HIP1R: variants seen among roughly 807,000 people sequenced by gnomAD.
HIP1R encodes huntingtin-interacting protein 1-related protein.
A neutral mutation model predicts 144.2 loss-of-function variants in HIP1R; 135 were observed. The observed-to-expected ratio is 0.94, with a 90% CI of 0.81 to 1.08. HIP1R has a LOEUF of 1.08. HIP1R is among the 50% of genes least tolerant of loss of function. The probability of loss-of-function intolerance (pLI) is 0.00; values close to 1 mark genes in which losing one functional copy is unlikely to be tolerated. For missense variants in HIP1R, 1,462 were observed against 1,432.8 expected, an observed-to-expected ratio of 1.02 and a Z score of -0.33; for synonymous variants, 698 against 612.8, an observed-to-expected ratio of 1.14 and a Z score of -2.05.
rs151329331 is a variant in HIP1R, at chr12:122,861,354, G to C, written c.2999G>C (p.Arg1000Pro). Reference sequence around the variant, plus strand: ...AAGACGCTGGAGGCTGAACGCATGCGGCTGGGGGAGTTGCGGAAGCAACAC... The same window carrying C: ...AAGACGCTGGAGGCTGAACGCATGCCGCTGGGGGAGTTGCGGAAGCAACAC... ...LEKTLEAERMRLGELRKQHYV... is the reference protein window; with the variant it reads ...LEKTLEAERMPLGELRKQHYV... Residue 1000 changes from arginine to proline, a missense_variant, in exon 31 of 32, where the codon CGG becomes CCG. By Grantham distance (103) the Arg-to-Pro change is moderately radical. Transcript: ENST00000253083. 1 of 1,613,710 alleles carries C rather than the reference G, an allele frequency of 6.2e-7. No individual in the cohort carries two copies. The highest frequency in any genetic ancestry group is 8.5e-7 in the Non-Finnish European group (1 of 1,179,964).
rs2135667748 is a variant in HIP1R at position 122,855,595 on chromosome 12, G to C, written c.1038G>C (p.Gly346=). 1 of 1,549,892 alleles carries C rather than the reference G, an allele frequency of 6.5e-7. No homozygotes were observed. The highest frequency in any genetic ancestry group is 8.7e-7 in the Non-Finnish European group (1 of 1,147,042). The change falls in exon 12 of 32, where the codon GGG becomes GGC. Residue 346 remains glycine, a synonymous_variant. Transcript: ENST00000253083. ...LFDQTFGPPN[G]SVKDDRDLQI... is the part of the protein sequence containing the mutation. ...ATCAGACGTTTGGACCCCCCAATGGGTCTGTGAAGGACGACAGGTGAGGGC... is the reference window on the plus strand; with the variant it reads ...ATCAGACGTTTGGACCCCCCAATGGCTCTGTGAAGGACGACAGGTGAGGGC...
At position 122,861,335 on chromosome 12, in the gene HIP1R, C is replaced by T. The variant is rs1566116663; in HGVS notation, c.2980C>T (p.Leu994=). 1 of 1,613,768 alleles carries T rather than the reference C, an allele frequency of 6.2e-7. No individual in the cohort carries two copies. The highest frequency in any genetic ancestry group is 8.5e-7 in the Non-Finnish European group (1 of 1,179,960). The change falls in exon 31 of 32, where the codon CTG becomes TTG. Residue 994 remains leucine (L), a synonymous_variant. Coordinates refer to ENST00000253083, the MANE Select transcript of HIP1R (RefSeq NM_003959.3). ...QVRVLELEKT[L]EAERMRLGEL... Reference sequence around the variant, plus strand: ...GCGTGTCCTGGAGCTGGAGAAGACGCTGGAGGCTGAACGCATGCGGCTGGG... The same window carrying T: ...GCGTGTCCTGGAGCTGGAGAAGACGTTGGAGGCTGAACGCATGCGGCTGGG...
At position 122,846,680 on chromosome 12, in the gene HIP1R, C is replaced by T. The variant is rs191349737; in HGVS notation, c.94-1351C>T. Among the ~76,000 whole-genome samples, 44 of 152,284 alleles carry T rather than the reference C, an allele frequency of 2.9e-4. No homozygotes were observed. The East Asian group carries it at 7.7e-3, about 27-fold the overall frequency. On this transcript the variant is annotated intron_variant, in intron 1 of 31. Transcript: ENST00000253083. ...ACAGGGAGCAGGGCTCAGGGCAGCC[C>T]CAGGACACCTGCCTGGGAGGGTCCA...
chr12:122,850,915 A>G lies in HIP1R; in HGVS notation c.515+4A>G. The stretch of plus-strand genomic sequence containing the variant: ...CTGGGACCGATGTCAACAACATGTG[A>G]GTCACTCTGCATGGCTACATAGCCA... On this transcript the variant is annotated splice_donor_region_variant and intron_variant, in intron 6 of 31. Coordinates refer to ENST00000253083, the MANE Select transcript of HIP1R (RefSeq NM_003959.3). 1 of 1,609,282 alleles carries G rather than the reference A, an allele frequency of 6.2e-7. No individual in the cohort carries two copies. The highest frequency in any genetic ancestry group is 8.5e-7 in the Non-Finnish European group (1 of 1,177,806).
In HIP1R at chr12:122,855,868, A is replaced by G; in HGVS notation, c.1093A>G (p.Met365Val). Reference sequence around the variant, plus strand: ...TGAGAGCTTGAAGAGAGAGGTGGAAATGCTCCGCTCTGAACTGGAGAAGAT... The same window carrying G: ...TGAGAGCTTGAAGAGAGAGGTGGAAGTGCTCCGCTCTGAACTGGAGAAGAT... Reference protein sequence around the residue: ...QIESLKREVEMLRSELEKIKL... With the variant: ...QIESLKREVEVLRSELEKIKL... The change falls in exon 13 of 32, where the codon ATG (methionine) becomes GTG (valine). Residue 365 changes from methionine to valine, a missense_variant. Met to Val is a conservative substitution (Grantham distance 21, BLOSUM62 1). Coordinates refer to ENST00000253083, the MANE Select transcript of HIP1R (RefSeq NM_003959.3). The G allele has an allele frequency of 6.6e-7, 1 of 1,521,938 alleles. No homozygotes were observed. The highest frequency in any genetic ancestry group is 2.6e-5 in the East Asian group (1 of 38,258). 94.3% of individuals were successfully genotyped at this position (1,521,938 alleles called of 1,614,324 possible).
chr12:122,861,193 G>C lies in HIP1R; in HGVS notation c.2952+1G>C. On this transcript the variant is annotated splice_donor_variant, in intron 30 of 31. Transcript: ENST00000253083. LOFTEE classifies it high-confidence loss of function. The stretch of plus-strand genomic sequence containing the variant: ...GAAGAAGCAGGAGATGGAGACCCAG[G>C]TAGGCGCCCATGGCTGCCCCGTGAC... 4 of 1,540,684 alleles carry C rather than the reference G, an allele frequency of 2.6e-6. No homozygotes were observed. The highest frequency in any genetic ancestry group is 3.5e-6 in the Non-Finnish European group (4 of 1,145,758).
intron 15 of HIP1R, 31 bp downstream of exon 15, chr12:122,856,375 G>C: frequency 6.2e-7 from 1 of 1,611,994 alleles, no homozygotes; most frequent in Non-Finnish European, 8.5e-7. Context: ...ATCCCAGCCG[G>C]TGGCAGGGCC....
intron 28 of HIP1R, 62 bp downstream of exon 28, chr12:122,860,846 C>T: frequency 6.3e-7 from 1 of 1,595,824 alleles, no homozygotes; most frequent in Non-Finnish European, 8.5e-7. Flanking sequence ...TGGGCTGTGG[C>T]TGCCAAGCCC....
At chr12:122,854,241 T>A in intron 8 of HIP1R, 58 bp downstream of exon 8, 1 of 1,480,156 alleles carries the variant, frequency 6.8e-7, no homozygotes. Flanking sequence ...GCTTAGACAT[T>A]CACTGTCAAA....
At chr12:122,838,320 TTA>T (rs796941530) in intron 1 of HIP1R, among the ~76,000 whole-genome samples, 6,564 of 145,376 alleles carry the variant, frequency 0.045, 244 homozygotes, top group East Asian at 0.23. Context: ...GTCCCTTTGG[TTA>T]AAAAAAAAAA....
Position 122,854,898 on chromosome 12 carries a change from C to A in HIP1R, c.719-7C>A. The A allele has an allele frequency of 3.1e-6, 5 of 1,612,242 alleles. No individual in the cohort carries two copies. Among genetic ancestry groups the A allele is most frequent in the Non-Finnish European group, 4.2e-6 (5 of 1,179,424 alleles). On this transcript the variant is annotated splice_polypyrimidine_tract_variant and splice_region_variant and intron_variant, in intron 8 of 31. Transcript: ENST00000253083. ...AGAAGTCCTGTTACACTTGTGCCAC[C>A]CTCCAGGTCTCCCTGCGGACACCCT...
At chr12:122,851,561 G>A (rs572783527) in intron 7 of HIP1R, among the ~76,000 whole-genome samples, 17 of 152,172 alleles carry the variant, frequency 1.1e-4, no homozygotes, top group African/African-American at 2.4e-4. Context: ...TTAGCCAGGC[G>A]TGGTGGCGCA....
chr12:122,853,769 G>A (rs559730951), intron 7 of HIP1R: 3 of 368,080 alleles, frequency 8.2e-6, no homozygotes, highest in South Asian at 6.3e-5. Context: ...CGGGCACCTC[G>A]TCCTGGGCTC....
chr12:122,840,027 G>T lies in HIP1R; in HGVS notation c.93+4384G>T, dbSNP rs1043183456. Among the ~76,000 whole-genome samples, 5 of 152,252 alleles carry T rather than the reference G, an allele frequency of 3.3e-5. No individual in the cohort carries two copies. The highest frequency in any genetic ancestry group is 6.5e-5 in the Admixed American group (1 of 15,290). On this transcript the variant is annotated intron_variant, in intron 1 of 31. Transcript: ENST00000253083. This position sits in a 1 kb window ranked among gnomAD's most constrained non-coding sequence, Gnocchi z 4.2. ...CATGGGCGTTGAGCTCGTTGTTCCT[G>T]GGCATGCGCACTGCTGTCTCGCCCC...
chr12:122,858,050 TC>T, intron 18 of HIP1R, 51 bp from the exon 19 acceptor site: 1 of 1,486,216 alleles, frequency 6.7e-7, no homozygotes, highest in Non-Finnish European at 9.0e-7. Context: ...CTGGGGCACA[TC>T]CTTGGCCTTG....
chr12:122,856,251 C>T lies in HIP1R; in HGVS notation c.1313-5C>T. 6.2e-7 allele frequency: 1 copy of T among 1,613,698 alleles called. No homozygotes were observed. Among genetic ancestry groups the T allele is most frequent in the Non-Finnish European group, 8.5e-7 (1 of 1,179,948 alleles). On this transcript the variant is annotated splice_polypyrimidine_tract_variant and splice_region_variant and intron_variant, in intron 14 of 31. Transcript: ENST00000253083. ...GGGCATCACTGCCCCTCCTCTCGCC[C>T]CCAGGGAAGGCCAGTGCCACGGAGG... is the stretch of plus-strand genomic sequence containing the variant.
chr12:122,860,277 G>T, intron 26 of HIP1R, 67 bp downstream of exon 26: 1 of 1,533,046 alleles, frequency 6.5e-7, no homozygotes, highest in African/African-American at 1.4e-5. Context: ...GCCACCCTGG[G>T]CATGAGACCC....
In HIP1R at chr12:122,856,008, G is replaced by A. The variant is rs575177420; in HGVS notation, c.1157G>A (p.Ser386Asn). 1.3e-6 allele frequency: 2 copies of A among 1,594,898 alleles called. No individual in the cohort carries two copies. Among genetic ancestry groups the A allele is most frequent in the African/African-American group, 1.3e-5 (1 of 74,734 alleles). ...CAGCGGTACATCGCGCAGCTGAAGA[G>A]CCAGGTGAATGCACTGGAGGGTGAG... ...EAQRYIAQLK[S>N]QVNALEGELE... is the part of the protein sequence containing the mutation. The change falls in exon 14 of 32, where the codon AGC (serine) becomes AAC (asparagine). Residue 386 changes from serine to asparagine, a missense_variant. Around this residue, in one of 2 missense-constraint regions of HIP1R, gnomAD observed 1,112 missense variants for 1,011.7 expected, o/e 1.10. Transcript: ENST00000253083.
chr12:122,856,711 G>T lies in HIP1R; in HGVS notation c.1605G>T (p.Leu535=). ...AGELARAQEA[L]SHTEQSKSEL... ...AGCTGGCCCGCGCGCAGGAGGCCCTGAGCCACACAGAGCAGGTGCATCTGG... is the reference window on the plus strand; with the variant it reads ...AGCTGGCCCGCGCGCAGGAGGCCCTTAGCCACACAGAGCAGGTGCATCTGG... The change falls in exon 17 of 32, where the codon CTG becomes CTT. Residue 535 remains leucine (L), a synonymous_variant. Transcript: ENST00000253083. The T allele has an allele frequency of 6.3e-7, 1 of 1,576,146 alleles. No individual in the cohort carries two copies. Among genetic ancestry groups the T allele is most frequent in the Non-Finnish European group, 8.6e-7 (1 of 1,161,330 alleles).
Sources: allele counts gnomAD v4.1 joint callset (sites outside exome capture counted in the v4.1 genomes callset), GRCh38; gene constraint gnomAD v4.1.1; regional missense constraint gnomAD v4.1.1; non-coding constraint Gnocchi (gnomAD v3.1); transcripts MANE v1.5; gene names NCBI Gene and HGNC (gene_info 2026-07-23, HGNC 2026-07-21).